Variants in JPT2 observed in about 807,000 individuals in gnomAD.
JPT2 encodes the protein Jupiter microtubule associated homolog 2.
A neutral mutation model predicts 15.9 loss-of-function variants in JPT2; 9 were observed. That is an observed-to-expected ratio of 0.57 (90% CI 0.34 to 0.99). The LOEUF (loss-of-function observed/expected upper bound fraction) is 0.99. JPT2 is among the 50% of genes least tolerant of loss of function. JPT2 has a pLI of 0.02. For synonymous variants in JPT2, 95 were observed against 91.7 expected (o/e 1.04, Z -0.21); for missense variants, 267 against 252.1 (o/e 1.06, Z -0.40).
intron 1 of JPT2, among the ~76,000 whole-genome samples, chr16:1,684,373 T>C (rs1056576499): frequency 6.6e-6 from 1 of 152,216 alleles, no homozygotes; most frequent in Non-Finnish European, 1.5e-5. Flanking sequence ...CGGTTTTTAA[T>C]GTAGATAGTG....
chr16:1,693,445 T>TG (rs1286996914), intron 3 of JPT2, among the ~76,000 whole-genome samples: 10 of 152,174 alleles, frequency 6.6e-5, no homozygotes, highest in Non-Finnish European at 1.5e-4. Flanking sequence ...GAAGTATCTT[T>TG]GGGGGCTTTA....
intron 1 of JPT2, among the ~76,000 whole-genome samples, chr16:1,684,577 C>T (rs2037050358): frequency 6.6e-6 from 1 of 152,078 alleles, no homozygotes; most frequent in African/African-American, 2.4e-5. Context: ...CCCGTCTCTA[C>T]TAAAAATACA....
Position 1,700,077 on chromosome 16 carries a change from A to ATTTT in JPT2, c.*1079_*1080insTTTT, listed in dbSNP as rs757022605. On this transcript the variant is annotated 3_prime_UTR_variant, in exon 5 of 5. Transcript: ENST00000248098. ...TCTGTTTCTGACACCTTTCCAGAAA[A>ATTTT]AAGTCAATTGTTCAGGTACACCAAA... 6.8e-6 allele frequency: 3 copies of ATTTT among 443,556 alleles called. No homozygotes were observed. The highest frequency in any genetic ancestry group is 9.2e-6 in the Non-Finnish European group (2 of 217,806). 27.5% of individuals were successfully genotyped at this position (443,556 alleles called of 1,614,324 possible).
chr16:1,680,905 C>T (rs2037017499), intron 1 of JPT2, among the ~76,000 whole-genome samples: 1 of 152,124 alleles, frequency 6.6e-6, no homozygotes, highest in Admixed American at 6.5e-5. Flanking sequence ...CATGGAGACC[C>T]CCGAGGAGGG....
In JPT2 at chr16:1,700,402, C is replaced by T. The variant is rs760579019; in HGVS notation, c.*1404C>T. 1.1e-5 allele frequency: 3 copies of T among 266,676 alleles called. No individual in the cohort carries two copies. The allele number at this position is 266,676 out of a possible 1,614,324, so 16.5% of individuals were successfully genotyped here. ...TTAACAGAGGAGAACGTCTGGGTGG[C>T]GGCAGCAGCTTTGCTCTGAGTGCCT... On this transcript the variant is annotated 3_prime_UTR_variant, in exon 5 of 5. Coordinates refer to ENST00000248098, the MANE Select transcript of JPT2 (RefSeq NM_144570.3).
At chr16:1,686,763 A>G in intron 2 of JPT2, 1 of 151,684 alleles carries the variant, frequency 6.6e-6, no homozygotes, top group Admixed American at 6.6e-5. Flanking sequence ...CACCCAGTGG[A>G]GGTTACCTGA....
chr16:1,685,426 T>G lies in JPT2; in HGVS notation c.45-13T>G, dbSNP rs771473482. Reference sequence around the variant, plus strand: ...TCTGCCATCAGTAATTGGCATGTACTCTGTGCTTGTAGGGCCATGAAGCCC... The same window carrying G: ...TCTGCCATCAGTAATTGGCATGTACGCTGTGCTTGTAGGGCCATGAAGCCC... On this transcript the variant is annotated splice_polypyrimidine_tract_variant and intron_variant, in intron 1 of 4. Transcript: ENST00000248098. 1 of 1,613,950 alleles carries G rather than the reference T, an allele frequency of 6.2e-7. No homozygotes were observed. The highest frequency in any genetic ancestry group is 8.5e-7 in the Non-Finnish European group (1 of 1,179,910).
At chr16:1,697,379 G>T (rs560461269) in intron 3 of JPT2, among the ~76,000 whole-genome samples, 3 of 152,104 alleles carry the variant, frequency 2.0e-5, no homozygotes, top group Non-Finnish European at 4.4e-5. Flanking sequence ...CAGGTGTGGT[G>T]GCTCACGCCT....
chr16:1,693,979 C>T (rs2037123084), intron 3 of JPT2, among the ~76,000 whole-genome samples: 1 of 152,030 alleles, frequency 6.6e-6, no homozygotes, highest in African/African-American at 2.4e-5. Flanking sequence ...TAATTTACGA[C>T]CTTGGGAGAA....
chr16:1,679,935 T>C (rs1221523787), intron 1 of JPT2, among the ~76,000 whole-genome samples: 3 of 151,956 alleles, frequency 2.0e-5, no homozygotes, highest in African/African-American at 7.3e-5. Flanking sequence ...GGCGGGTGCC[T>C]GTAGTCCCAG....
intron 1 of JPT2, among the ~76,000 whole-genome samples, 169 bp downstream of exon 1, chr16:1,678,525 C>A (rs1481334975): frequency 6.6e-6 from 1 of 152,060 alleles, no homozygotes; most frequent in East Asian, 1.9e-4. Context: ...GCCGCCAGAC[C>A]GAGGCCCGAA....
At chr16:1,679,442 T>A (rs2037002818) in intron 1 of JPT2, among the ~76,000 whole-genome samples, 1 of 152,210 alleles carries the variant, frequency 6.6e-6, no homozygotes, top group Non-Finnish European at 1.5e-5. Flanking sequence ...ACACCTGTAA[T>A]CACGGCACTT....
chr16:1,698,768 G>A lies in JPT2; in HGVS notation c.386-43G>A, dbSNP rs2037160288. 6.4e-7 allele frequency: 1 copy of A among 1,566,574 alleles called. No homozygotes were observed. The highest frequency in any genetic ancestry group is 1.2e-5 in the South Asian group (1 of 84,718). On this transcript the variant is annotated intron_variant, in intron 4 of 4. Transcript: ENST00000248098. The surrounding 1 kb of genome is among the most constrained non-coding windows in gnomAD (Gnocchi z 4.9). ...CCACAGCCTGCCTGTCAGGGTCATG[G>A]GTTGCCTCTAATGGGATGTTGTTCT...
At chr16:1,692,419 C>T (rs993977711) in intron 3 of JPT2, 1 of 184,166 alleles carries the variant, frequency 5.4e-6, no homozygotes, top group Non-Finnish European at 1.2e-5. Context: ...GGCTGGTTAC[C>T]TGTGGAGATT....
At position 1,691,974 on chromosome 16, in the gene JPT2, A is replaced by T. The variant is rs777873946; in HGVS notation, c.325A>T (p.Asn109Tyr). ...VTATSRLAHP[N>Y]KPKDHVFLCE... Reference sequence around the variant, plus strand: ...TGCCACTTCACGCTTGGCACACCCAAACAAACCCAAGGTATGGACTGCATT... The same window carrying T: ...TGCCACTTCACGCTTGGCACACCCATACAAACCCAAGGTATGGACTGCATT... The change falls in exon 3 of 5, where the codon AAC (asparagine) becomes TAC (tyrosine). Residue 109 changes from asparagine to tyrosine, a missense_variant. Transcript: ENST00000248098. 3 of 1,614,148 alleles carry T rather than the reference A, an allele frequency of 1.9e-6. No homozygotes were observed. Among genetic ancestry groups the T allele is most frequent in the Non-Finnish European group, 1.7e-6 (2 of 1,180,018 alleles).
In JPT2 at chr16:1,696,556, T is replaced by TG. The variant is rs2037143961; in HGVS notation, c.337-1253dup. On this transcript the variant is annotated intron_variant, in intron 3 of 4. Transcript: ENST00000248098. Reference sequence around the variant, plus strand: ...AAAAGTGAAAAGATAACTCGCAGAATGGGAGGAAATATTTGCAAATCATTT... The same window carrying TG: ...AAAAGTGAAAAGATAACTCGCAGAATGGGGAGGAAATATTTGCAAATCATTT... Among the ~76,000 whole-genome samples the TG allele has an allele frequency of 4.7e-5, 7 of 149,750 alleles. No homozygotes were observed. In the South Asian group the frequency reaches 1.5e-3, roughly 31 times the overall value.
intron 1 of JPT2, 82 bp downstream of exon 1, chr16:1,678,438 G>T (rs2036991071): frequency 3.6e-6 from 4 of 1,106,498 alleles, no homozygotes; most frequent in African/African-American, 3.2e-5. Flanking sequence ...TCCACCAGCC[G>T]TGTGGGGTTG....
chr16:1,684,561 C>T (rs1323064921), intron 1 of JPT2, among the ~76,000 whole-genome samples: 5 of 151,946 alleles, frequency 3.3e-5, no homozygotes, highest in Admixed American at 2.0e-4. Context: ...ACCAACATGG[C>T]GAAACCCCGT....
At chr16:1,688,455 A>G (rs2037082935) in intron 2 of JPT2, 1 of 152,268 alleles carries the variant, frequency 6.6e-6, no homozygotes, top group African/African-American at 2.4e-5. Context: ...ATCAGATGAT[A>G]TATGAGTTTA....
Sources: allele counts gnomAD v4.1 joint callset (sites outside exome capture counted in the v4.1 genomes callset), GRCh38; gene constraint gnomAD v4.1.1; non-coding constraint Gnocchi (gnomAD v3.1); transcripts MANE v1.5; gene names NCBI Gene and HGNC (gene_info 2026-07-23, HGNC 2026-07-21).